The following WWOX variants were observed in gnomAD, a reference collection of about 807,000 sequenced individuals.
WWOX encodes WW domain containing oxidoreductase.
WWOX carries 69 observed loss-of-function variants against 46.2 expected under a neutral mutation model. That is an observed-to-expected ratio of 1.49 (90% CI 1.23 to 1.82). The LOEUF (loss-of-function observed/expected upper bound fraction) is 1.82, where lower values mean the gene tolerates loss of function less well. Among genes scored for constraint, WWOX ranks in the 40% most tolerant of loss-of-function variants. WWOX has a pLI of 0.00. For missense variants in WWOX, 919 were observed against 542.6 expected (o/e 1.69, Z -6.89); for synonymous variants, 359 against 202.6 (o/e 1.77, Z -6.56).
chr16:78,416,686 C>A (rs2082803929), intron 6 of WWOX, among the ~76,000 whole-genome samples: 1 of 152,102 alleles, frequency 6.6e-6, no homozygotes, highest in Non-Finnish European at 1.5e-5. Context: ...AGTTAAAATT[C>A]CCAATGTCCA....
chr16:78,624,204 ATCT>A (rs2046257176), intron 8 of WWOX, among the ~76,000 whole-genome samples: 1 of 140,946 alleles, frequency 7.1e-6, no homozygotes, highest in East Asian at 2.0e-4. Flanking sequence ...TTATTTTCTA[ATCT>A]TTTTTTTTTT....
At chr16:78,952,354 G>A (rs540318115) in intron 8 of WWOX, among the ~76,000 whole-genome samples, 260 of 150,332 alleles carry the variant, frequency 1.7e-3, no homozygotes, top group African/African-American at 6.2e-3. Context: ...CTGAGCTGCA[G>A]TTTTACATTT....
At chr16:78,783,182 G>T (rs2050372554) in intron 8 of WWOX, among the ~76,000 whole-genome samples, 2 of 152,164 alleles carry the variant, frequency 1.3e-5, no homozygotes, top group Admixed American at 6.5e-5. Context: ...ATTTATAATG[G>T]CTGCCTGATA....
intron 5 of WWOX, among the ~76,000 whole-genome samples, chr16:78,367,294 T>C (rs904899367): frequency 2.0e-5 from 3 of 152,184 alleles, no homozygotes; most frequent in Non-Finnish European, 2.9e-5. Flanking sequence ...GTTATAATTT[T>C]AATGGTCTAA....
Position 78,338,180 on chromosome 16 carries a change from A to T in WWOX, c.517-48680A>T, listed in dbSNP as rs1440248183. ...ATTTATCACATGGAAACAAACTTTTAAAAAAATTAATTTTGTGAATTAAAT... is the reference window on the plus strand; with the variant it reads ...ATTTATCACATGGAAACAAACTTTTTAAAAAATTAATTTTGTGAATTAAAT... On this transcript the variant is annotated intron_variant, in intron 5 of 8. Transcript: ENST00000566780. 2.4e-5 allele frequency among the ~76,000 whole-genome samples: 2 copies of T among 83,076 alleles called. 1 individual carries two copies. Among genetic ancestry groups the T allele is most frequent in the Non-Finnish European group, 5.0e-5 (2 of 39,708 alleles). The allele number at this position is 83,076 out of a possible 152,430, so 54.5% of individuals were successfully genotyped here.
intron 8 of WWOX, among the ~76,000 whole-genome samples, chr16:78,759,410 A>G (rs1341644056): frequency 6.6e-6 from 1 of 152,028 alleles, no homozygotes; most frequent in African/African-American, 2.4e-5. Flanking sequence ...TTCTTCTCTC[A>G]CTGCTGCTGA....
At chr16:78,602,629 A>G (rs555106532) in intron 8 of WWOX, among the ~76,000 whole-genome samples, 2 of 152,316 alleles carry the variant, frequency 1.3e-5, no homozygotes, top group African/African-American at 4.8e-5. Flanking sequence ...TAAAGTAGCC[A>G]TATCCTTCCG....
chr16:78,910,959 C>T (rs1367687797), intron 8 of WWOX, among the ~76,000 whole-genome samples: 1 of 151,972 alleles, frequency 6.6e-6, no homozygotes, highest in Non-Finnish European at 1.5e-5. Flanking sequence ...TTACATATTT[C>T]AAAATAATGT....
chr16:78,568,019 A>AT (rs2044616119), intron 8 of WWOX, among the ~76,000 whole-genome samples: 1 of 152,324 alleles, frequency 6.6e-6, no homozygotes, highest in East Asian at 1.9e-4. Flanking sequence ...TACTCCGCGA[A>AT]TTGAAGGCGG....
In WWOX at chr16:78,261,274, GATAGATAGATAC is replaced by G. The variant is rs1477154314; in HGVS notation, c.516+96989_516+97000del. Among the ~76,000 whole-genome samples, 253 of 147,816 alleles carry G rather than the reference GATAGATAGATAC, an allele frequency of 1.7e-3. 6 individuals carry two copies. Among genetic ancestry groups the G allele is most frequent in the African/African-American group, 4.7e-3 (186 of 39,604 alleles). Reference sequence around the variant, plus strand: ...TAATGTGTGGTAAGGTAGATAGATAGATAGATAGATACATACATACATACATACATACATACA... The same window carrying G: ...TAATGTGTGGTAAGGTAGATAGATAGATACATACATACATACATACATACA... On this transcript the variant is annotated intron_variant, in intron 5 of 8. Transcript: ENST00000566780.
chr16:78,778,079 A>G (rs1272419036), intron 8 of WWOX, among the ~76,000 whole-genome samples: 1 of 149,364 alleles, frequency 6.7e-6, no homozygotes, highest in African/African-American at 2.5e-5. Context: ...TTTACATTTT[A>G]TCTTTACTGT....
chr16:78,909,820 C>T (rs1468320903), intron 8 of WWOX, among the ~76,000 whole-genome samples: 6 of 152,108 alleles, frequency 3.9e-5, no homozygotes, highest in South Asian at 2.1e-4. Context: ...AGAAAAGGGC[C>T]AGTTACTGTC....
At chr16:79,165,895 T>C (rs2050584961) in intron 8 of WWOX, among the ~76,000 whole-genome samples, 1 of 152,318 alleles carries the variant, frequency 6.6e-6, no homozygotes, top group South Asian at 2.1e-4. Flanking sequence ...ATTACCTTCA[T>C]AACCAAGGTC....
At chr16:78,828,862 G>A (rs1246106640) in intron 8 of WWOX, among the ~76,000 whole-genome samples, 1 of 152,194 alleles carries the variant, frequency 6.6e-6, no homozygotes, top group Non-Finnish European at 1.5e-5. Context: ...AGCATTTTCT[G>A]CATTGCATTC....
chr16:78,271,411 A>G (rs1182756890), intron 5 of WWOX, among the ~76,000 whole-genome samples: 1 of 152,184 alleles, frequency 6.6e-6, no homozygotes, highest in Non-Finnish European at 1.5e-5. Flanking sequence ...TACATCCTAC[A>G]AGCGTGCTTA....
At chr16:78,849,438 G>A (rs1329889741) in intron 8 of WWOX, among the ~76,000 whole-genome samples, 2 of 151,864 alleles carry the variant, frequency 1.3e-5, no homozygotes, top group African/African-American at 4.8e-5. Flanking sequence ...GCCAGGCCTG[G>A]TGGCGGGCGC....
intron 8 of WWOX, among the ~76,000 whole-genome samples, chr16:79,108,670 G>C (rs1460460563): frequency 6.6e-6 from 1 of 152,192 alleles, no homozygotes; most frequent in Non-Finnish European, 1.5e-5. Context: ...GAGAGGCTGA[G>C]GCAGGAGGAT....
At chr16:78,760,666 G>A (rs1348575027) in intron 8 of WWOX, among the ~76,000 whole-genome samples, 1 of 152,184 alleles carries the variant, frequency 6.6e-6, no homozygotes, top group Non-Finnish European at 1.5e-5. Context: ...GTCAGCATCA[G>A]ACGGCTTGTC....
At chr16:78,244,606 A>C (rs1403874084) in intron 5 of WWOX, among the ~76,000 whole-genome samples, 1 of 152,182 alleles carries the variant, frequency 6.6e-6, no homozygotes, top group Non-Finnish European at 1.5e-5. Context: ...CTATCTCTGG[A>C]AAGGATTAAG....
Sources: gnomAD v4.1 joint callset for allele counts (sites outside exome capture counted in the v4.1 genomes callset) on GRCh38, gnomAD v4.1.1 for gene constraint, MANE v1.5 for transcripts, NCBI Gene and HGNC (gene_info 2026-07-23, HGNC 2026-07-21) for gene names.